CSGALNACT1: variants seen among roughly 807,000 people sequenced by gnomAD.
CSGALNACT1 encodes chondroitin sulfate N-acetylgalactosaminyltransferase 1.
In CSGALNACT1, 52 loss-of-function variants were observed where a neutral mutation model predicts 51.0. That is an observed-to-expected ratio of 1.02 (90% CI 0.82 to 1.29). CSGALNACT1 has a LOEUF of 1.29. Ranked by LOEUF, CSGALNACT1 falls within the 50% of genes most tolerant of loss-of-function variation. The pLI is 0.00. For synonymous variants in CSGALNACT1, 341 were observed against 254.4 expected (o/e 1.34, Z -3.24); for missense variants, 935 against 679.2 (o/e 1.38, Z -4.19).
At chr8:19,654,267 T>C (rs2058073214) in intron 1 of CSGALNACT1, among the ~76,000 whole-genome samples, 1 of 152,186 alleles carries the variant, frequency 6.6e-6, no homozygotes, top group South Asian at 2.1e-4. Context: ...TCTTACAAGG[T>C]CATGTCCAGT....
intron 1 of CSGALNACT1, chr8:19,642,161 A>G (rs1417172304): frequency 6.6e-6 from 1 of 152,220 alleles, no homozygotes; most frequent in African/African-American, 2.4e-5. Context: ...TCCAAGAGAA[A>G]TCTTAGAGAC....
intron 1 of CSGALNACT1, among the ~76,000 whole-genome samples, chr8:19,709,724 GC>G (rs567373794): frequency 2.0e-5 from 3 of 152,166 alleles, no homozygotes; most frequent in Non-Finnish European, 4.4e-5. Context: ...GTTTGAGCCT[GC>G]CCCCCCGCCC....
intron 1 of CSGALNACT1, among the ~76,000 whole-genome samples, chr8:19,613,307 A>G (rs2052561931): frequency 6.6e-6 from 1 of 152,198 alleles, no homozygotes; most frequent in Non-Finnish European, 1.5e-5. Context: ...TTATTGAGTT[A>G]TTTAGCAATT....
At chr8:19,668,058 A>G (rs1057103109) in intron 1 of CSGALNACT1, among the ~76,000 whole-genome samples, 1 of 152,220 alleles carries the variant, frequency 6.6e-6, no homozygotes, top group Admixed American at 6.5e-5. Context: ...CATATATTAC[A>G]TCCTTTAACT....
chr8:19,476,384 G>A (rs562390217), intron 4 of CSGALNACT1, among the ~76,000 whole-genome samples: 1 of 152,178 alleles, frequency 6.6e-6, no homozygotes, highest in South Asian at 2.1e-4. Flanking sequence ...GGGATTACAG[G>A]TGCCCACCAC....
At chr8:19,446,023 A>C (rs901575421) in intron 5 of CSGALNACT1, among the ~76,000 whole-genome samples, 13 of 152,148 alleles carry the variant, frequency 8.5e-5, no homozygotes, top group Non-Finnish European at 1.3e-4. Flanking sequence ...AAAAATACAA[A>C]AATTAGTCAG....
intron 1 of CSGALNACT1, among the ~76,000 whole-genome samples, chr8:19,693,002 T>G (rs368944889): frequency 7.2e-5 from 11 of 152,190 alleles, no homozygotes; most frequent in East Asian, 3.9e-4. Context: ...AAATCCATGA[T>G]GCCATCAGCC....
At chr8:19,684,602 C>G (rs1260157973), upstream of CSGALNACT1, among the ~76,000 whole-genome samples, 1 of 152,022 alleles carries the variant, frequency 6.6e-6, no homozygotes, top group African/African-American at 2.4e-5. Context: ...GGGATTGCTC[C>G]CTGAAGGTAT....
At chr8:19,740,640 T>C (rs577971868) in intron 1 of CSGALNACT1, among the ~76,000 whole-genome samples, 1 of 152,300 alleles carries the variant, frequency 6.6e-6, no homozygotes, top group East Asian at 1.9e-4. Flanking sequence ...TTAGTCAAAT[T>C]TTCCCATTCA....
upstream of CSGALNACT1, among the ~76,000 whole-genome samples, chr8:19,604,655 C>A (rs754692788): frequency 1.3e-5 from 2 of 151,394 alleles, no homozygotes; most frequent in African/African-American, 2.4e-5. Context: ...TGCGTGTAAT[C>A]CCAGCACTTT....
chr8:19,560,607 A>C (rs184332020), intron 3 of CSGALNACT1, among the ~76,000 whole-genome samples: 4 of 152,312 alleles, frequency 2.6e-5, no homozygotes, highest in African/African-American at 9.6e-5. Flanking sequence ...GTGTGACCAC[A>C]AACAGGAAAA....
intron 4 of CSGALNACT1, among the ~76,000 whole-genome samples, chr8:19,503,629 T>C (rs2153990730): frequency 6.6e-6 from 1 of 152,190 alleles, no homozygotes; most frequent in East Asian, 1.9e-4. Flanking sequence ...AACTAATACA[T>C]GTGGAAATGC....
At chr8:19,569,844 T>C (rs2042632968) in intron 3 of CSGALNACT1, among the ~76,000 whole-genome samples, 1 of 152,234 alleles carries the variant, frequency 6.6e-6, no homozygotes, top group Admixed American at 6.5e-5. Context: ...TAAATTATAC[T>C]ATATTCATAC....
At chr8:19,695,203 G>A (rs766156552) in intron 1 of CSGALNACT1, among the ~76,000 whole-genome samples, 9 of 152,060 alleles carry the variant, frequency 5.9e-5, no homozygotes, top group African/African-American at 2.2e-4. Context: ...TAAAACCACT[G>A]ACTTCATTTC....
At chr8:19,476,643 G>T (rs887617139) in intron 4 of CSGALNACT1, among the ~76,000 whole-genome samples, 2 of 152,154 alleles carry the variant, frequency 1.3e-5, no homozygotes, top group African/African-American at 4.8e-5. Context: ...CCTAAGAGAA[G>T]AGAGTGAGGC....
At chr8:19,537,055 G>C (rs1219793402) in intron 3 of CSGALNACT1, among the ~76,000 whole-genome samples, 1 of 152,156 alleles carries the variant, frequency 6.6e-6, no homozygotes, top group Non-Finnish European at 1.5e-5. Context: ...TTAAAAATCT[G>C]AGTTCCTAGC....
At chr8:19,719,702 G>A (rs748922495) in intron 1 of CSGALNACT1, among the ~76,000 whole-genome samples, 2 of 152,224 alleles carry the variant, frequency 1.3e-5, no homozygotes, top group Non-Finnish European at 2.9e-5. Flanking sequence ...CATTCTGCAA[G>A]TGTCTGTCTG....
intron 1 of CSGALNACT1, among the ~76,000 whole-genome samples, chr8:19,715,178 A>C (rs2062734188): frequency 1.3e-5 from 2 of 152,316 alleles, no homozygotes; most frequent in African/African-American, 4.8e-5. Context: ...AAACCATCAG[A>C]TCTCGTGAGA....
intron 4 of CSGALNACT1, among the ~76,000 whole-genome samples, chr8:19,501,712 T>C (rs2076458575): frequency 6.6e-6 from 1 of 152,232 alleles, no homozygotes; most frequent in East Asian, 1.9e-4. Context: ...GTCAAACTTA[T>C]GTCCAAGGGA....
Sources: gnomAD v4.1 joint callset for allele counts (sites outside exome capture counted in the v4.1 genomes callset) on GRCh38, gnomAD v4.1.1 for gene constraint, MANE v1.5 for transcripts, NCBI Gene and HGNC (gene_info 2026-07-23, HGNC 2026-07-21) for gene names.